The following SYPL2 variants were observed in gnomAD, a reference collection of about 807,000 sequenced individuals.
SYPL2 encodes synaptophysin like 2.
A neutral mutation model predicts 31.3 loss-of-function variants in SYPL2; 24 were observed. The ratio of observed to expected loss-of-function variants is 0.77; its 90% CI spans 0.56 to 1.08. SYPL2 has a LOEUF of 1.08. SYPL2 is among the 50% of genes least tolerant of loss of function. The pLI is 0.00. For missense variants in SYPL2, 342 were observed against 360.1 expected, an observed-to-expected ratio of 0.95 and a Z score of 0.41; for synonymous variants, 144 against 143.1, an observed-to-expected ratio of 1.01 and a Z score of -0.05.
intron 3 of SYPL2, 22 bp from the exon 4 acceptor site, chr1:109,476,754 T>C: frequency 6.2e-7 from 1 of 1,612,154 alleles, no homozygotes; most frequent in African/African-American, 1.3e-5. Context: ...GAGCTCAGGA[T>C]GGCCTCCCCT....
In SYPL2 at chr1:109,466,813, C is replaced by T. The variant is rs1327141408; in HGVS notation, c.-31C>T. On this transcript the variant is annotated 5_prime_UTR_variant, in exon 1 of 6. Transcript: ENST00000369872. ...GCCTCCCGGCCAGAGAGCCAAGCCACCACGCCGCGCCCAGCGCTCGCCGCG... is the reference window on the plus strand; with the variant it reads ...GCCTCCCGGCCAGAGAGCCAAGCCATCACGCCGCGCCCAGCGCTCGCCGCG... The T allele has an allele frequency of 2.6e-6, 4 of 1,509,486 alleles. No homozygotes were observed. In the Admixed American group the frequency reaches 6.2e-5, roughly 23 times the overall value. 93.5% of individuals were successfully genotyped at this position (1,509,486 alleles called of 1,614,324 possible).
In SYPL2 at chr1:109,479,639, C is replaced by T. The variant is rs2101008719; in HGVS notation, c.*91C>T. On this transcript the variant is annotated 3_prime_UTR_variant, in exon 6 of 6. Coordinates refer to ENST00000369872, the MANE Select transcript of SYPL2 (RefSeq NM_001040709.2). The stretch of plus-strand genomic sequence containing the variant: ...CCTTTCTCTTCCTCCTCCTCCAATT[C>T]CCCTCCCCCATCATTCTGGTCTTTG... The T allele has an allele frequency of 1.3e-6, 2 of 1,522,260 alleles. No individual in the cohort carries two copies. The highest frequency in any genetic ancestry group is 4.6e-5 in the East Asian group (2 of 43,798). 94.3% of individuals were successfully genotyped at this position (1,522,260 alleles called of 1,614,324 possible). A position where few individuals can be genotyped will look rare whatever the true frequency, so the allele number is the denominator to read the frequency against.
intron 2 of SYPL2, among the ~76,000 whole-genome samples, chr1:109,468,496 C>A (rs1253720880): frequency 3.3e-5 from 5 of 152,184 alleles, no homozygotes; most frequent in Non-Finnish European, 7.4e-5. Flanking sequence ...GTGGTTAGAC[C>A]AATTGCTGAT....
chr1:109,469,877 A>AAGAT (rs1353196966), intron 2 of SYPL2, among the ~76,000 whole-genome samples: 2 of 151,454 alleles, frequency 1.3e-5, no homozygotes, highest in Non-Finnish European at 2.9e-5. Flanking sequence ...AAGAAAAAGG[A>AAGAT]AGATAGAGAC....
At chr1:109,470,988 C>T (rs1274045391) in intron 2 of SYPL2, among the ~76,000 whole-genome samples, 4 of 152,118 alleles carry the variant, frequency 2.6e-5, no homozygotes, top group African/African-American at 7.2e-5. Context: ...AGGTGTTATT[C>T]GTCTTCATAT....
At chr1:109,477,359 A>T (rs888960944) in intron 4 of SYPL2, among the ~76,000 whole-genome samples, 1 of 152,250 alleles carries the variant, frequency 6.6e-6, no homozygotes, top group African/African-American at 2.4e-5. Context: ...GTTAGTCTCA[A>T]TAAGCATTAG....
In SYPL2 at chr1:109,478,191, T is replaced by C. The variant is rs1057467408; in HGVS notation, c.648+182T>C. 8 of 1,380,292 alleles carry C rather than the reference T, an allele frequency of 5.8e-6. No homozygotes were observed. The East Asian group carries it at 1.5e-4, about 26-fold the overall frequency. The allele number at this position is 1,380,292 out of a possible 1,614,324, so 85.5% of individuals were successfully genotyped here. A position where few individuals can be genotyped will look rare whatever the true frequency, so the allele number is the denominator to read the frequency against. On this transcript the variant is annotated intron_variant, in intron 5 of 5. Transcript: ENST00000369872. The surrounding 1 kb of genome is among the most constrained non-coding windows in gnomAD (Gnocchi z 4.0). ...CCTGGCTGACCCTGAGAGGACATTT[T>C]GGGATGAGGGGAACCCAAAAGCCAC...
intron 2 of SYPL2, 147 bp from the exon 3 acceptor site, chr1:109,475,434 T>C: frequency 8.8e-7 from 1 of 1,131,294 alleles, no homozygotes; most frequent in Middle Eastern, 3.0e-4. Flanking sequence ...GCCATGGGTT[T>C]CTACCTAGGA....
Position 109,480,165 on chromosome 1 carries a change from C to G in SYPL2, c.*617C>G, listed in dbSNP as rs1656121529. On this transcript the variant is annotated 3_prime_UTR_variant, in exon 6 of 6. Coordinates refer to ENST00000369872, the MANE Select transcript of SYPL2 (RefSeq NM_001040709.2). The stretch of plus-strand genomic sequence containing the variant: ...GAGGTCCACCAGCCTAGAAAACAGC[C>G]CTTCAGAGGGTCCTGATGAGGCCTT... The G allele has an allele frequency of 3.3e-5, 5 of 152,324 alleles. No individual in the cohort carries two copies. Among genetic ancestry groups the G allele is most frequent in the Admixed American group, 3.3e-4 (5 of 15,290 alleles). 9.4% of individuals were successfully genotyped at this position (152,324 alleles called of 1,614,324 possible).
intron 2 of SYPL2, 23 bp from the exon 3 acceptor site, chr1:109,475,558 A>G: frequency 6.2e-7 from 1 of 1,610,774 alleles, no homozygotes; most frequent in African/African-American, 1.3e-5. Context: ...TCTGACTCTC[A>G]AAGAGGCTTC....
In SYPL2 at chr1:109,478,057, G is replaced by GGCCTGTC; in HGVS notation, c.648+49_648+55dup. 6.2e-7 allele frequency: 1 copy of GGCCTGTC among 1,604,550 alleles called. No individual in the cohort carries two copies. The highest frequency in any genetic ancestry group is 8.5e-7 in the Non-Finnish European group (1 of 1,175,846). On this transcript the variant is annotated intron_variant, in intron 5 of 5. Transcript: ENST00000369872. The surrounding 1 kb of genome is among the most constrained non-coding windows in gnomAD (Gnocchi z 4.0). ...GAAGCAGCACCAGCCCTGCTGCCCAGGCCTGTCCCAGCTAGCAGGTCCTGA... is the reference window on the plus strand; with the variant it reads ...GAAGCAGCACCAGCCCTGCTGCCCAGGCCTGTCGCCTGTCCCAGCTAGCAGGTCCTGA...
intron 2 of SYPL2, among the ~76,000 whole-genome samples, chr1:109,474,448 C>G (rs569816141): frequency 8.8e-4 from 133 of 151,914 alleles, no homozygotes; most frequent in African/African-American, 3.0e-3. Context: ...AGTGATTCTC[C>G]TGCCTCAGCC....
intron 2 of SYPL2, 126 bp downstream of exon 2, chr1:109,467,259 G>A (rs918362975): frequency 9.3e-6 from 6 of 643,280 alleles, no homozygotes; most frequent in Non-Finnish European, 1.3e-5. Context: ...GGTGGGGGGC[G>A]GCGACAGGTG....
intron 1 of SYPL2, 24 bp from the exon 2 acceptor site, chr1:109,467,035 C>G (rs1480650513): frequency 6.5e-7 from 1 of 1,542,808 alleles, no homozygotes; most frequent in Non-Finnish European, 8.7e-7. Context: ...CGCCCTGACC[C>G]CCCGGCCGGC....
intron 2 of SYPL2, among the ~76,000 whole-genome samples, chr1:109,473,602 T>C (rs1170210997): frequency 6.6e-6 from 1 of 151,984 alleles, no homozygotes; most frequent in Admixed American, 6.6e-5. Context: ...AACCCCTCCA[T>C]TTAAGATGAG....
intron 2 of SYPL2, among the ~76,000 whole-genome samples, chr1:109,469,933 T>C (rs1655774887): frequency 6.6e-6 from 1 of 151,852 alleles, no homozygotes; most frequent in African/African-American, 2.4e-5. Context: ...GAGTCCCCTC[T>C]GCTTTCTTGC....
At chr1:109,477,452 C>T (rs1177290469) in intron 4 of SYPL2, among the ~76,000 whole-genome samples, 1 of 152,126 alleles carries the variant, frequency 6.6e-6, no homozygotes, top group Non-Finnish European at 1.5e-5. Flanking sequence ...ACCCCATTTG[C>T]GTCCTGCAGT....
Position 109,479,549 on chromosome 1 carries a change from G to A in SYPL2, c.*1G>A. On this transcript the variant is annotated 3_prime_UTR_variant, in exon 6 of 6. Coordinates refer to ENST00000369872, the MANE Select transcript of SYPL2 (RefSeq NM_001040709.2). ...GCAGGGAGCAGTGGAGAAGCAGTAA[G>A]CAGCCCCCCACCTGGCTATTCCCGA... is the stretch of plus-strand genomic sequence containing the variant. 6.2e-7 allele frequency: 1 copy of A among 1,612,012 alleles called. No individual in the cohort carries two copies. The highest frequency in any genetic ancestry group is 8.5e-7 in the Non-Finnish European group (1 of 1,178,566).
In SYPL2 at chr1:109,476,927, T is replaced by C. The variant is rs768981706; in HGVS notation, c.406T>C (p.Tyr136His). The C allele has an allele frequency of 6.2e-7, 1 of 1,614,190 alleles. No homozygotes were observed. Among genetic ancestry groups the C allele is most frequent in the Admixed American group, 1.7e-5 (1 of 60,020 alleles). Residue 136 changes from tyrosine to histidine, a missense_variant, in exon 4 of 6, where the codon TAC becomes CAC. Tyr to His is a moderately conservative substitution (Grantham distance 83). Coordinates refer to ENST00000369872, the MANE Select transcript of SYPL2 (RefSeq NM_001040709.2). Reference sequence around the variant, plus strand: ...CTATACCATGGCTGCCCTAGTTATCTACCTGCGCTTCCACAACCTCTACAC... The same window carrying C: ...CTATACCATGGCTGCCCTAGTTATCCACCTGCGCTTCCACAACCTCTACAC... ...FFYTMAALVI[Y>H]LRFHNLYTEN... is the part of the protein sequence containing the mutation.
Sources: gnomAD v4.1 joint callset for allele counts (sites outside exome capture counted in the v4.1 genomes callset) on GRCh38, gnomAD v4.1.1 for gene constraint, Gnocchi (gnomAD v3.1) non-coding constraint, MANE v1.5 for transcripts, NCBI Gene and HGNC (gene_info 2026-07-23, HGNC 2026-07-21) for gene names.